The following CNST variants were observed in gnomAD, a reference collection of about 807,000 sequenced individuals.
CNST encodes the protein consortin.
CNST carries 39 observed loss-of-function variants against 72.4 expected under a neutral mutation model. The ratio of observed to expected loss-of-function variants is 0.54; its 90% CI spans 0.42 to 0.70. CNST has a LOEUF of 0.70. Ranked by LOEUF, CNST falls within the 30% of genes least tolerant of loss-of-function variation. The probability of loss-of-function intolerance (pLI) is 0.00; values close to 1 mark genes in which losing one functional copy is unlikely to be tolerated. For missense variants in CNST, 871 were observed against 868.5 expected (o/e 1.00, Z -0.04); for synonymous variants, 332 against 320.1 (o/e 1.04, Z -0.40).
chr1:246,646,279 C>CAAAAAAAA (rs550697329), intron 8 of CNST, among the ~76,000 whole-genome samples: 9 of 99,402 alleles, frequency 9.1e-5, no homozygotes, highest in South Asian at 3.7e-4. Flanking sequence ...AACTCCGTCT[C>CAAAAAAAA]AAAAAAAAAA....
At chr1:246,593,816 G>A (rs1259399414) in intron 2 of CNST, among the ~76,000 whole-genome samples, 2 of 152,148 alleles carry the variant, frequency 1.3e-5, no homozygotes, top group African/African-American at 2.4e-5. Flanking sequence ...AGGCTGAAGT[G>A]CAGTGGCGTG....
chr1:246,631,851 A>G, intron 3 of CNST, 43 bp from the exon 4 acceptor site: 2 of 1,157,450 alleles, frequency 1.7e-6, no homozygotes, highest in Non-Finnish European at 1.3e-6. Flanking sequence ...TTCTCATCCA[A>G]GTGTTAATTT....
At chr1:246,607,811 A>C (rs1223083553) in intron 2 of CNST, 1 of 152,218 alleles carries the variant, frequency 6.6e-6, no homozygotes, top group Non-Finnish European at 1.5e-5. Context: ...CCCGGGGAGA[A>C]TCTTTCAACG....
intron 6 of CNST, among the ~76,000 whole-genome samples, chr1:246,639,450 T>C (rs1053954211): frequency 2.6e-5 from 4 of 152,074 alleles, no homozygotes; most frequent in East Asian, 1.9e-4. Flanking sequence ...GGAGGAGCAG[T>C]GTGCGGTCGG....
At chr1:246,638,572 G>T (rs1312283530) in intron 6 of CNST, among the ~76,000 whole-genome samples, 2 of 152,180 alleles carry the variant, frequency 1.3e-5, no homozygotes, top group African/African-American at 4.8e-5. Context: ...TTGTTGTCCA[G>T]CTGCTAGAGT....
At chr1:246,643,481 C>G (rs1447743825) in intron 8 of CNST, among the ~76,000 whole-genome samples, 10 of 152,326 alleles carry the variant, frequency 6.6e-5, no homozygotes, top group African/African-American at 2.2e-4. Flanking sequence ...TTGAGACTTA[C>G]TTAGCATGGT....
intron 9 of CNST, among the ~76,000 whole-genome samples, chr1:246,659,104 G>A (rs568716536): frequency 6.6e-6 from 1 of 152,196 alleles, no homozygotes; most frequent in African/African-American, 2.4e-5. Context: ...CTTTTTCTAG[G>A]AAAGGCCAAA....
intron 9 of CNST, among the ~76,000 whole-genome samples, chr1:246,652,779 C>A (rs7535233): frequency 1.3e-5 from 2 of 150,752 alleles, no homozygotes; most frequent in Non-Finnish European, 3.0e-5. Context: ...CCAAGGCGGG[C>A]GGATCACGAG....
intron 2 of CNST, among the ~76,000 whole-genome samples, chr1:246,610,962 G>A (rs2103059887): frequency 6.6e-6 from 1 of 152,172 alleles, no homozygotes; most frequent in Admixed American, 6.5e-5. Context: ...GCTTGGCCGT[G>A]GGTTTTTGAT....
Position 246,646,575 on chromosome 1 carries a change from G to T in CNST, c.938-564G>T, listed in dbSNP as rs142396930. Among the ~76,000 whole-genome samples the T allele has an allele frequency of 4.5e-4, 69 of 152,142 alleles. 2 individuals are homozygous for T. In the East Asian group the frequency reaches 0.012, roughly 27 times the overall value. ...AGGTAACCGCAGCCTCCGCCTCCCG[G>T]GTTCAAGCAATTCTCTTGCCTCAGC... On this transcript the variant is annotated intron_variant, in intron 8 of 10. Transcript: ENST00000366513.
At chr1:246,597,194 C>T (rs1007277585) in intron 2 of CNST, among the ~76,000 whole-genome samples, 4 of 152,210 alleles carry the variant, frequency 2.6e-5, no homozygotes, top group Non-Finnish European at 5.9e-5. Context: ...TTCACCAACA[C>T]CTGTTAATAT....
intron 2 of CNST, among the ~76,000 whole-genome samples, chr1:246,597,853 A>G (rs920383626): frequency 7.9e-5 from 12 of 152,180 alleles, no homozygotes; most frequent in Non-Finnish European, 1.2e-4. Context: ...CTGATCCTAC[A>G]TGTCTTGCAG....
intron 9 of CNST, among the ~76,000 whole-genome samples, chr1:246,650,229 C>T (rs144772352): frequency 1.3e-5 from 2 of 152,176 alleles, no homozygotes; most frequent in Admixed American, 6.5e-5. Context: ...TGCTGGGTAA[C>T]AGCTAACAGT....
chr1:246,658,087 C>G (rs1666865454), intron 9 of CNST, among the ~76,000 whole-genome samples: 1 of 152,164 alleles, frequency 6.6e-6, no homozygotes, highest in Non-Finnish European at 1.5e-5. Context: ...AATCAATAAA[C>G]TTCCTCCCCG....
rs1667449783 is a variant in CNST, at chr1:246,667,875, G to A, written c.*1970G>A. The A allele has an allele frequency of 6.6e-6, 1 of 152,154 alleles. No homozygotes were observed. The highest frequency in any genetic ancestry group is 2.1e-4 in the South Asian group (1 of 4,828). The allele number at this position is 152,154 out of a possible 1,614,324, so 9.4% of individuals were successfully genotyped here. A position where few individuals can be genotyped will look rare whatever the true frequency, so the allele number is the denominator to read the frequency against. On this transcript the variant is annotated 3_prime_UTR_variant, in exon 11 of 11. Coordinates refer to ENST00000366513, the MANE Select transcript of CNST (RefSeq NM_152609.3). ...TTCACCTCTTGGGTCTCTATCCTGTGTAACCTCTGGTGTAGTATTTGCCCA... is the reference window on the plus strand; with the variant it reads ...TTCACCTCTTGGGTCTCTATCCTGTATAACCTCTGGTGTAGTATTTGCCCA...
In CNST at chr1:246,571,410, A is replaced by G. The variant is rs539170726; in HGVS notation, c.-52+4747A>G. Among the ~76,000 whole-genome samples, 76 of 152,298 alleles carry G rather than the reference A, an allele frequency of 5.0e-4. 3 individuals carry two copies. The highest frequency in any genetic ancestry group is 3.1e-3 in the Admixed American group (47 of 15,292). The stretch of plus-strand genomic sequence containing the variant: ...AGTGATCCGCCCACCTCAGCCTCCC[A>G]AAGTGCTGGGATTAAAGGCGTGAGC... On this transcript the variant is annotated intron_variant, in intron 1 of 10. Transcript: ENST00000366513.
intron 9 of CNST, among the ~76,000 whole-genome samples, chr1:246,652,491 C>T (rs563289664): frequency 6.6e-6 from 1 of 152,032 alleles, no homozygotes; most frequent in Admixed American, 6.5e-5. Flanking sequence ...TTCAGAGGTC[C>T]CCTTGTGAGC....
intron 2 of CNST, among the ~76,000 whole-genome samples, chr1:246,597,448 G>A (rs1257604091): frequency 6.6e-6 from 1 of 152,188 alleles, no homozygotes; most frequent in Admixed American, 6.5e-5. Flanking sequence ...TATGAGACAA[G>A]TTTAGATGAT....
At chr1:246,575,023 TCTCA>T (rs1558525133) in intron 1 of CNST, among the ~76,000 whole-genome samples, 1 of 139,134 alleles carries the variant, frequency 7.2e-6, no homozygotes, top group African/African-American at 2.6e-5. Flanking sequence ...TGAGACAGAG[TCTCA>T]CTCTGTTGCC....
Sources: gnomAD v4.1 joint callset for allele counts (sites outside exome capture counted in the v4.1 genomes callset) on GRCh38, gnomAD v4.1.1 for gene constraint, MANE v1.5 for transcripts, NCBI Gene and HGNC (gene_info 2026-07-23, HGNC 2026-07-21) for gene names.